Variants in PCDHA11 observed in about 807,000 individuals in gnomAD.
The protein encoded by PCDHA11 is protocadherin alpha 11.
In PCDHA11, 61 loss-of-function variants were observed where a neutral mutation model predicts 70.3. That is an observed-to-expected ratio of 0.87 (90% confidence interval 0.71 to 1.07). The LOEUF (loss-of-function observed/expected upper bound fraction) is 1.07, where lower values mean the gene tolerates loss of function less well. Among genes scored for constraint, PCDHA11 ranks in the 50% least tolerant of loss-of-function variants. The probability of loss-of-function intolerance (pLI) is 0.00; values close to 1 mark genes in which losing one functional copy is unlikely to be tolerated. For synonymous variants in PCDHA11, 633 were observed against 555.1 expected, an observed-to-expected ratio of 1.14 and a Z score of -1.97; for missense variants, 1,324 against 1,237.5, an observed-to-expected ratio of 1.07 and a Z score of -1.05.
chr5:140,921,283 C>T (rs1484079224), intron 1 of PCDHA11, among the ~76,000 whole-genome samples: 2 of 151,974 alleles, frequency 1.3e-5, no homozygotes, highest in Non-Finnish European at 2.9e-5. Flanking sequence ...TTGAAAAAAA[C>T]CTCAAATTTG....
intron 3 of PCDHA11, among the ~76,000 whole-genome samples, chr5:140,984,073 G>A (rs1294401230): frequency 4.6e-5 from 7 of 152,222 alleles, no homozygotes; most frequent in Non-Finnish European, 7.3e-5. Context: ...CAGTGCCAAC[G>A]ATGGAGTGAA....
Position 140,881,024 on chromosome 5 carries a change from A to G in PCDHA11, c.2391+9530A>G, listed in dbSNP as rs1330072249. Among the ~76,000 whole-genome samples the G allele has an allele frequency of 1.1e-4, 17 of 152,246 alleles. 1 individual carries two copies. Among genetic ancestry groups the G allele is most frequent in the Admixed American group, 5.2e-4 (8 of 15,290 alleles). ...GAGCAGAGCTATGGAAATAAACCCA[A>G]CAGTCATTTCCTATAGAGTTGTGCA... On this transcript the variant is annotated intron_variant, in intron 1 of 3. Coordinates refer to ENST00000398640, the MANE Select transcript of PCDHA11 (RefSeq NM_018902.5).
At chr5:140,913,384 C>T (rs1018271300) in intron 1 of PCDHA11, among the ~76,000 whole-genome samples, 1 of 152,144 alleles carries the variant, frequency 6.6e-6, no homozygotes, top group Non-Finnish European at 1.5e-5. Flanking sequence ...AGTGGCTCAT[C>T]ATAGCCACTA....
Position 140,883,366 on chromosome 5 carries a change from C to A in PCDHA11, c.2391+11872C>A, listed in dbSNP as rs34923516. 1.2e-5 allele frequency: 19 copies of A among 1,614,056 alleles called. No individual in the cohort carries two copies. In the African/African-American group the frequency reaches 2.4e-4, roughly 20 times the overall value. On this transcript the variant is annotated intron_variant, in intron 1 of 3. Transcript: ENST00000398640. ...CCATCAGAGAAGACACTCAGCCTAGCGCCATTATTGCCCTAATCAGTGTGT... is the reference window on the plus strand; with the variant it reads ...CCATCAGAGAAGACACTCAGCCTAGAGCCATTATTGCCCTAATCAGTGTGT...
chr5:140,992,154 C>T (rs2097495252), intron 3 of PCDHA11, among the ~76,000 whole-genome samples: 1 of 151,952 alleles, frequency 6.6e-6, no homozygotes. Flanking sequence ...TTTGCTCAAT[C>T]AAGAAGTGTG....
In PCDHA11 at chr5:140,869,408, G is replaced by T. The variant is rs782029332; in HGVS notation, c.305G>T (p.Cys102Phe). 32 of 1,614,106 alleles carry T rather than the reference G, an allele frequency of 2.0e-5. No individual in the cohort carries two copies. The highest frequency in any genetic ancestry group is 2.7e-5 in the Non-Finnish European group (32 of 1,180,058). Residue 102 changes from cysteine (C) to phenylalanine (F), a missense_variant, in exon 1 of 4, where the codon TGC becomes TTC. Transcript: ENST00000398640. ...GAGCTGTGCGGGCAGAGCGCGGAGT[G>T]CAGCATCCACCTGGAGGTGATCGTG... The part of the protein sequence containing the change: ...REELCGQSAE[C>F]SIHLEVIVDR...
At chr5:140,977,461 G>A (rs1554238575) in intron 1 of PCDHA11, among the ~76,000 whole-genome samples, 1 of 152,120 alleles carries the variant, frequency 6.6e-6, no homozygotes, top group African/African-American at 2.4e-5. Context: ...CTTTGATTTG[G>A]TCTGTAGATA....
At chr5:140,980,713 C>T (rs1034858406) in intron 2 of PCDHA11, among the ~76,000 whole-genome samples, 2 of 151,366 alleles carry the variant, frequency 1.3e-5, no homozygotes, top group Non-Finnish European at 2.9e-5. Flanking sequence ...TGCTCCTATT[C>T]GGGTTTCAAT....
intron 3 of PCDHA11, among the ~76,000 whole-genome samples, chr5:141,000,387 C>G (rs868946328): frequency 1.5e-5 from 1 of 66,898 alleles, no homozygotes. Context: ...CTCTCTCTCT[C>G]TCTCTCTCTA....
At chr5:141,002,174 C>T (rs2098063920) in intron 3 of PCDHA11, among the ~76,000 whole-genome samples, 1 of 152,224 alleles carries the variant, frequency 6.6e-6, no homozygotes, top group Non-Finnish European at 1.5e-5. Context: ...AGGCAGGCTC[C>T]AGAGTGCTGT....
At chr5:140,928,208 A>AT (rs1436614514) in intron 1 of PCDHA11, 2 of 1,614,110 alleles carry the variant, frequency 1.2e-6, no homozygotes, top group Non-Finnish European at 1.7e-6. Flanking sequence ...GCTGATGTGA[A>AT]TGACAATACA....
intron 1 of PCDHA11, among the ~76,000 whole-genome samples, chr5:140,888,673 A>G (rs571585641): frequency 6.6e-6 from 1 of 152,180 alleles, no homozygotes; most frequent in Non-Finnish European, 1.5e-5. Context: ...TGCCCTGTGC[A>G]TTAAGAGGTC....
rs115890668 is a variant in PCDHA11 at position 140,925,958 on chromosome 5, A to G, written c.2392-52991A>G. Among the ~76,000 whole-genome samples, 1,223 of 152,250 alleles carry G rather than the reference A, an allele frequency of 8.0e-3. 5 individuals carry two copies. The highest frequency in any genetic ancestry group is 0.019 in the African/African-American group (788 of 41,548). On this transcript the variant is annotated intron_variant, in intron 1 of 3. Coordinates refer to ENST00000398640, the MANE Select transcript of PCDHA11 (RefSeq NM_018902.5). ...GCCTCTTGGAGAAGGAGAAACTGCT[A>G]TCACGCAAAAAAAAAGCCTTGAGCT... is the stretch of plus-strand genomic sequence containing the variant.
chr5:140,870,654 C>T lies in PCDHA11; in HGVS notation c.1551C>T (p.Tyr517=), dbSNP rs781878209. 10 of 1,612,444 alleles carry T rather than the reference C, an allele frequency of 6.2e-6. No homozygotes were observed. The African/African-American group carries it at 8.0e-5, about 13-fold the overall frequency. ...VSVHAESGKV[Y]ALQPLDHEEL... ...TGCACGCGGAGAGCGGCAAGGTGTACGCGCTGCAGCCGTTGGACCACGAGG... is the reference window on the plus strand; with the variant it reads ...TGCACGCGGAGAGCGGCAAGGTGTATGCGCTGCAGCCGTTGGACCACGAGG... The change falls in exon 1 of 4, where the codon TAC becomes TAT. Residue 517 remains tyrosine (Y), a synonymous_variant. Transcript: ENST00000398640.
At chr5:140,884,170 G>T (rs1333457358) in intron 1 of PCDHA11, 2 of 1,613,412 alleles carry the variant, frequency 1.2e-6, no homozygotes, top group Non-Finnish European at 8.5e-7. Context: ...TCAGCACGAC[G>T]CGCCCTCTGG....
intron 1 of PCDHA11, among the ~76,000 whole-genome samples, chr5:140,902,351 A>C (rs1554190404): frequency 1.3e-5 from 2 of 151,346 alleles, no homozygotes; most frequent in African/African-American, 4.9e-5. Context: ...GAAGCCCTTT[A>C]TTTCTTTCTC....
At chr5:140,877,109 G>T (rs370191624) in intron 1 of PCDHA11, 1 of 1,613,590 alleles carries the variant, frequency 6.2e-7, no homozygotes, top group South Asian at 1.1e-5. Flanking sequence ...CCGCCTCTGG[G>T]CAGCAACGTG....
At chr5:140,883,313 G>A (rs1469839417) in intron 1 of PCDHA11, 2 of 1,614,000 alleles carry the variant, frequency 1.2e-6, no homozygotes, top group African/African-American at 2.7e-5. Flanking sequence ...TAACGCCCCA[G>A]AGGTTACCAT....
chr5:140,912,746 A>T (rs1322674627), intron 1 of PCDHA11, among the ~76,000 whole-genome samples: 1 of 152,200 alleles, frequency 6.6e-6, no homozygotes, highest in Non-Finnish European at 1.5e-5. Flanking sequence ...TGGGTCTGTC[A>T]TAGATGGCTT....
Sources: allele counts gnomAD v4.1 joint callset (sites outside exome capture counted in the v4.1 genomes callset), GRCh38; gene constraint gnomAD v4.1.1; transcripts MANE v1.5; gene names NCBI Gene and HGNC (gene_info 2026-07-23, HGNC 2026-07-21).